The following LAMA2 variants were observed in gnomAD, a reference collection of about 807,000 sequenced individuals.
LAMA2 encodes the protein laminin subunit alpha 2, also known as laminin subunit alpha-2.
Under a neutral mutation model 364.8 loss-of-function variants are expected in LAMA2, and 269 were observed. That is an observed-to-expected ratio of 0.74 (90% CI 0.67 to 0.82). LAMA2 has a LOEUF of 0.82. Among genes scored for constraint, LAMA2 ranks in the 40% least tolerant of loss-of-function variants. The pLI is 0.00. For missense variants in LAMA2, 3,807 were observed against 3,873.2 expected, an observed-to-expected ratio of 0.98 and a Z score of 0.45; for synonymous variants, 1,379 against 1,370.6, an observed-to-expected ratio of 1.01 and a Z score of -0.14.
chr6:129,146,995 A>G lies in LAMA2; in HGVS notation c.856A>G (p.Met286Val). The G allele has an allele frequency of 2.5e-6, 4 of 1,611,886 alleles. No individual in the cohort carries two copies. The highest frequency in any genetic ancestry group is 3.4e-6 in the Non-Finnish European group (4 of 1,178,216). The change falls in exon 6 of 65, where the codon ATG becomes GTG. Residue 286 changes from methionine to valine, a missense_variant. Physicochemically the swap from Met to Val is conservative, Grantham distance 21. Around this residue, in one of 3 missense-constraint regions of LAMA2, gnomAD observed 394 missense variants for 403.5 expected, o/e 0.98. Coordinates refer to ENST00000421865, the MANE Select transcript of LAMA2 (RefSeq NM_000426.4). ...GGTCAAGGATATTTCAGTTGGAGGG[A>G]TGTGCATCTGCTATGGTCATGCCAG... ...YSVKDISVGG[M>V]CICYGHARAC...
chr6:128,913,351 T>G (rs1244046779), intron 1 of LAMA2, among the ~76,000 whole-genome samples: 1 of 152,216 alleles, frequency 6.6e-6, no homozygotes, highest in East Asian at 1.9e-4. Context: ...ATCATTATAA[T>G]TATTTATTCG....
At chr6:129,066,296 C>T (rs188966353) in intron 3 of LAMA2, among the ~76,000 whole-genome samples, 1,852 of 151,638 alleles carry the variant, frequency 0.012, 38 homozygotes, top group African/African-American at 0.043. Context: ...CCGCCCGCCT[C>T]GGCCTCCCAA....
chr6:129,112,783 G>C (rs1478801), intron 4 of LAMA2, among the ~76,000 whole-genome samples: 17 of 151,662 alleles, frequency 1.1e-4, no homozygotes, highest in Non-Finnish European at 2.2e-4. Flanking sequence ...TTGCCACATA[G>C]AAAATGTGGA....
At chr6:128,926,839 G>A (rs942227500) in intron 1 of LAMA2, among the ~76,000 whole-genome samples, 7 of 151,984 alleles carry the variant, frequency 4.6e-5, no homozygotes, top group Admixed American at 2.6e-4. Context: ...CAGATATAAC[G>A]TTGTAGTATT....
intron 1 of LAMA2, among the ~76,000 whole-genome samples, chr6:129,023,519 A>G (rs1221832280): frequency 6.6e-6 from 1 of 152,096 alleles, no homozygotes; most frequent in South Asian, 2.1e-4. Flanking sequence ...GATCTGTTGT[A>G]CTTTCTGTAT....
chr6:129,343,055 G>T (rs1190955734), intron 30 of LAMA2, among the ~76,000 whole-genome samples: 4 of 152,054 alleles, frequency 2.6e-5, no homozygotes, highest in African/African-American at 9.7e-5. Context: ...ACAAAAGCTG[G>T]AATATCTTAT....
chr6:129,459,911 T>C (rs1305370303), intron 48 of LAMA2, among the ~76,000 whole-genome samples: 3 of 152,026 alleles, frequency 2.0e-5, no homozygotes, highest in Admixed American at 6.6e-5. Context: ...TCACCTAAAG[T>C]TAGAAGCTAG....
intron 20 of LAMA2, 37 bp downstream of exon 20, chr6:129,291,757 C>G (rs1789718274): frequency 7.2e-7 from 1 of 1,390,254 alleles, no homozygotes; most frequent in Non-Finnish European, 1.0e-6. Flanking sequence ...TTACTTTCTC[C>G]TTACAGATTT....
chr6:129,482,752 G>T lies in LAMA2; in HGVS notation c.7749+1313G>T, dbSNP rs1337407318. On this transcript the variant is annotated intron_variant, in intron 55 of 64. Coordinates refer to ENST00000421865, the MANE Select transcript of LAMA2 (RefSeq NM_000426.4). ...TGGATTATTTCAGGAATGCAGAAGT[G>T]GTTTAATGTTAGAAAATCAAAATAT... Among the ~76,000 whole-genome samples, 7 of 152,070 alleles carry T rather than the reference G, an allele frequency of 4.6e-5. No individual in the cohort carries two copies. In the South Asian group the frequency reaches 1.4e-3, roughly 31 times the overall value.
At chr6:129,256,232 ATG>A (rs1786653215) in intron 14 of LAMA2, among the ~76,000 whole-genome samples, 2 of 152,134 alleles carry the variant, frequency 1.3e-5, no homozygotes, top group African/African-American at 4.8e-5. Flanking sequence ...CCCTTTGCTA[ATG>A]GTATTATGTT....
Position 129,512,446 on chromosome 6 carries a change from A to C in LAMA2, c.8941A>C (p.Ser2981Arg), listed in dbSNP as rs766816458. The change falls in exon 63 of 65, where the codon AGT becomes CGT. Residue 2981 changes from serine to arginine, a missense_variant. Ser to Arg is a moderately radical substitution (Grantham distance 110). This residue lies in a region of LAMA2 where 3,333 missense variants were observed against 3,345.7 expected (regional missense o/e 1.00). Coordinates refer to ENST00000421865, the MANE Select transcript of LAMA2 (RefSeq NM_000426.4). ...AACGACTGGAGTTCTTCTGGGGATC[A>C]GTAGTCAAAAAATGGATGGAATGGG... ...TTTTGVLLGI[S>R]SQKMDGMGIE... The C allele has an allele frequency of 3.1e-6, 5 of 1,613,730 alleles. No homozygotes were observed. Among genetic ancestry groups the C allele is most frequent in the Non-Finnish European group, 4.2e-6 (5 of 1,179,664 alleles).
At chr6:128,905,192 T>TTTGGGG (rs1436282095) in intron 1 of LAMA2, among the ~76,000 whole-genome samples, 3 of 152,180 alleles carry the variant, frequency 2.0e-5, no homozygotes, top group African/African-American at 7.2e-5. Flanking sequence ...AAAATCAATC[T>TTTGGGG]TTGGGGTAAC....
intron 12 of LAMA2, among the ~76,000 whole-genome samples, chr6:129,233,990 C>T (rs1006251942): frequency 5.3e-5 from 8 of 151,884 alleles, no homozygotes; most frequent in East Asian, 3.9e-4. Flanking sequence ...TCTTTTTTTC[C>T]GCATCTGACC....
chr6:129,380,297 A>T (rs1778606346), intron 34 of LAMA2, among the ~76,000 whole-genome samples: 1 of 152,198 alleles, frequency 6.6e-6, no homozygotes, highest in Non-Finnish European at 1.5e-5. Flanking sequence ...GAAGTAGGCA[A>T]GAAGAATGGT....
Position 129,402,364 on chromosome 6 carries a change from A to C in LAMA2, c.5603A>C (p.Glu1868Ala). ...CAAACTAAATTGCCACCTATGTCTGAGGAGCTTAATGATAAAATAGATGAC... is the reference window on the plus strand; with the variant it reads ...CAAACTAAATTGCCACCTATGTCTGCGGAGCTTAATGATAAAATAGATGAC... ...DIQTKLPPMSEELNDKIDDLS... is the reference protein window; with the variant it reads ...DIQTKLPPMSAELNDKIDDLS... Residue 1868 changes from glutamate (E) to alanine (A), a missense_variant, in exon 39 of 65, where the codon GAG becomes GCG. Glu to Ala is a moderately radical substitution (Grantham distance 107, BLOSUM62 -1). Around this residue, in one of 3 missense-constraint regions of LAMA2, gnomAD observed 3,333 missense variants for 3,345.7 expected, o/e 1.00. Transcript: ENST00000421865. 6.2e-7 allele frequency: 1 copy of C among 1,614,020 alleles called. No homozygotes were observed.
chr6:129,115,248 C>T (rs973586703), intron 4 of LAMA2, among the ~76,000 whole-genome samples: 2 of 151,936 alleles, frequency 1.3e-5, no homozygotes, highest in African/African-American at 2.4e-5. Flanking sequence ...CATGTGTGTT[C>T]TAAAAAAGAA....
intron 1 of LAMA2, among the ~76,000 whole-genome samples, chr6:128,950,647 A>G (rs1780756753): frequency 6.6e-6 from 1 of 152,082 alleles, no homozygotes; most frequent in Non-Finnish European, 1.5e-5. Flanking sequence ...ACCTCAGTCA[A>G]GTTATGTCAC....
chr6:129,164,649 C>G (rs761770670), intron 8 of LAMA2, among the ~76,000 whole-genome samples: 1 of 152,196 alleles, frequency 6.6e-6, no homozygotes, highest in Non-Finnish European at 1.5e-5. Context: ...ATGTAGTTAA[C>G]TTAAAGTCTG....
At chr6:129,246,095 A>T (rs112322705) in intron 12 of LAMA2, among the ~76,000 whole-genome samples, 11 of 152,176 alleles carry the variant, frequency 7.2e-5, no homozygotes, top group African/African-American at 1.7e-4. Context: ...GAAAATAATA[A>T]TTTTTTTCAT....
Sources: allele counts gnomAD v4.1 joint callset (sites outside exome capture counted in the v4.1 genomes callset), GRCh38; gene constraint gnomAD v4.1.1; regional missense constraint gnomAD v4.1.1; transcripts MANE v1.5; gene names NCBI Gene and HGNC (gene_info 2026-07-23, HGNC 2026-07-21).